SOX6: variants seen among roughly 807,000 people sequenced by gnomAD.
The protein encoded by SOX6 is transcription factor SOX-6.
In SOX6, 11 loss-of-function variants were observed where a neutral mutation model predicts 97.8. The observed-to-expected ratio is 0.11, with a 90% CI of 0.07 to 0.19. The LOEUF (loss-of-function observed/expected upper bound fraction) is 0.19. Among genes scored for constraint, SOX6 ranks in the 10% least tolerant of loss-of-function variants. The probability of loss-of-function intolerance (pLI) is 1.00; values close to 1 mark genes in which losing one functional copy is unlikely to be tolerated. For synonymous variants in SOX6, 360 were observed against 371.4 expected (o/e 0.97, Z 0.35); for missense variants, 810 against 1,039.5 (o/e 0.78, Z 3.04).
intron 10 of SOX6, among the ~76,000 whole-genome samples, chr11:16,055,132 T>C (rs1847781586): frequency 6.6e-6 from 1 of 152,214 alleles, no homozygotes. Flanking sequence ...AAGGATACAG[T>C]ATGGATCAGG....
chr11:16,106,357 T>C (rs199821340), intron 7 of SOX6, among the ~76,000 whole-genome samples: 2 of 143,548 alleles, frequency 1.4e-5, no homozygotes, highest in African/African-American at 2.6e-5. Flanking sequence ...TATATATATA[T>C]ACATATGTGT....
chr11:16,118,118 A>AT (rs2134003216), intron 6 of SOX6, among the ~76,000 whole-genome samples: 1 of 152,298 alleles, frequency 6.6e-6, no homozygotes, highest in Non-Finnish European at 1.5e-5. Flanking sequence ...AAACTGTGTT[A>AT]TTTTTATTGC....
At chr11:16,369,358 T>G (rs1466273190) in intron 1 of SOX6, among the ~76,000 whole-genome samples, 5 of 152,134 alleles carry the variant, frequency 3.3e-5, no homozygotes, top group Admixed American at 1.3e-4. Context: ...TAATCTCTAT[T>G]TTTTCTTTTT....
chr11:16,093,974 C>A (rs1848743907), intron 9 of SOX6, among the ~76,000 whole-genome samples: 1 of 151,844 alleles, frequency 6.6e-6, no homozygotes, highest in Admixed American at 6.6e-5. Flanking sequence ...TCGATCTTTT[C>A]TAACCAGAGT....
At chr11:16,006,152 A>G (rs971045560) in intron 13 of SOX6, among the ~76,000 whole-genome samples, 1 of 152,046 alleles carries the variant, frequency 6.6e-6, no homozygotes, top group Non-Finnish European at 1.5e-5. Context: ...TTCTCATGTT[A>G]TAACATGGAA....
intron 7 of SOX6, among the ~76,000 whole-genome samples, chr11:16,099,909 C>T (rs1207663250): frequency 1.3e-5 from 2 of 151,676 alleles, no homozygotes; most frequent in Non-Finnish European, 2.9e-5. Context: ...GCTATTTCTC[C>T]ATAACATATC....
At chr11:16,212,076 A>G (rs1255851494) in intron 4 of SOX6, among the ~76,000 whole-genome samples, 3 of 152,182 alleles carry the variant, frequency 2.0e-5, no homozygotes, top group Non-Finnish European at 4.4e-5. Context: ...AGGCTTTGGT[A>G]CCCTCACCCA....
intron 3 of SOX6, among the ~76,000 whole-genome samples, chr11:16,272,067 G>C (rs1433862372): frequency 6.6e-6 from 1 of 151,062 alleles, no homozygotes; most frequent in East Asian, 1.9e-4. Flanking sequence ...TTTTAGTTCT[G>C]TAACATTCAG....
At chr11:16,194,168 G>T (rs1438631952) in intron 4 of SOX6, among the ~76,000 whole-genome samples, 2 of 152,172 alleles carry the variant, frequency 1.3e-5, no homozygotes, top group African/African-American at 4.8e-5. Context: ...GCTAATTTGA[G>T]TTCTGAATCC....
intron 4 of SOX6, among the ~76,000 whole-genome samples, chr11:16,493,311 T>A (rs1234815575): frequency 6.6e-6 from 1 of 152,088 alleles, no homozygotes; most frequent in Non-Finnish European, 1.5e-5. Context: ...AAATCTTATA[T>A]GAAATGAAAG....
intron 7 of SOX6, among the ~76,000 whole-genome samples, chr11:16,101,333 G>C (rs1249809759): frequency 6.6e-6 from 1 of 151,542 alleles, no homozygotes; most frequent in Non-Finnish European, 1.5e-5. Context: ...AATTTGTCCT[G>C]AGGACAAATG....
intron 3 of SOX6, among the ~76,000 whole-genome samples, chr11:16,619,338 T>A (rs1848511806): frequency 6.6e-6 from 1 of 151,810 alleles, no homozygotes; most frequent in Non-Finnish European, 1.5e-5. Flanking sequence ...TTTTTTAATG[T>A]TTAAGTTTTA....
intron 4 of SOX6, among the ~76,000 whole-genome samples, chr11:16,211,347 A>G (rs1037646675): frequency 6.6e-6 from 1 of 152,142 alleles, no homozygotes; most frequent in African/African-American, 2.4e-5. Flanking sequence ...AGGAGAAAGC[A>G]GGGATTTAAG....
chr11:16,732,084 AAG>A (rs1436002600), intron 2 of SOX6, among the ~76,000 whole-genome samples: 1 of 152,220 alleles, frequency 6.6e-6, no homozygotes, highest in Non-Finnish European at 1.5e-5. Context: ...TCAAGGAAAT[AAG>A]AGAGGACACA....
At chr11:16,475,901 C>T (rs1860237403) in intron 1 of SOX6, among the ~76,000 whole-genome samples, 1 of 152,178 alleles carries the variant, frequency 6.6e-6, no homozygotes, top group African/African-American at 2.4e-5. Flanking sequence ...TACATTGTCT[C>T]ACATCTTCTC....
chr11:16,188,720 C>A (rs982452381), intron 4 of SOX6, among the ~76,000 whole-genome samples: 4 of 152,076 alleles, frequency 2.6e-5, no homozygotes, highest in African/African-American at 9.7e-5. Flanking sequence ...GACAGCATGG[C>A]AAGTAGAAGC....
intron 15 of SOX6, among the ~76,000 whole-genome samples, chr11:15,975,923 G>A (rs907317715): frequency 6.6e-6 from 1 of 152,136 alleles, no homozygotes; most frequent in South Asian, 2.1e-4. Flanking sequence ...GTAATGGAAT[G>A]CTAAAAATAA....
intron 1 of SOX6, among the ~76,000 whole-genome samples, chr11:16,390,498 AT>A (rs1858140753): frequency 6.6e-6 from 1 of 152,188 alleles, no homozygotes; most frequent in Admixed American, 6.5e-5. Flanking sequence ...CTCTCTGATA[AT>A]AAAGATTTCT....
intron 3 of SOX6, among the ~76,000 whole-genome samples, chr11:16,260,324 G>A (rs1052194705): frequency 6.6e-6 from 1 of 152,104 alleles, no homozygotes; most frequent in African/African-American, 2.4e-5. Context: ...TTAAAATAAA[G>A]AAGTACTATT....
Sources: gnomAD v4.1 joint callset for allele counts (sites outside exome capture counted in the v4.1 genomes callset) on GRCh38, gnomAD v4.1.1 for gene constraint, MANE v1.5 for transcripts, NCBI Gene and HGNC (gene_info 2026-07-23, HGNC 2026-07-21) for gene names.